CREG2: variants seen among roughly 807,000 people sequenced by gnomAD.
The protein encoded by CREG2 is cellular repressor of E1A stimulated genes 2, also known as protein CREG2.
In CREG2, 24 loss-of-function variants were observed where a neutral mutation model predicts 26.2. The ratio of observed to expected loss-of-function variants is 0.92; its 90% CI spans 0.66 to 1.29. The LOEUF is 1.29. CREG2 is among the 50% of genes most tolerant of loss of function. The pLI is 0.00. For synonymous variants in CREG2, 174 were observed against 169.2 expected, an observed-to-expected ratio of 1.03 and a Z score of -0.22; for missense variants, 366 against 398.6, an observed-to-expected ratio of 0.92 and a Z score of 0.70.
In CREG2 at chr2:101,347,211, A is replaced by G. The variant is rs1684320899; in HGVS notation, c.*3712T>C. ...GCATAGAGGCACCATCCACTGTTTCACCAGCCACCCGTTAAAGGCCATCTG... is the reference window on the plus strand; with the variant it reads ...GCATAGAGGCACCATCCACTGTTTCGCCAGCCACCCGTTAAAGGCCATCTG... On this transcript the variant is annotated 3_prime_UTR_variant, in exon 4 of 4. Transcript: ENST00000324768. The G allele has an allele frequency of 6.6e-6, 1 of 152,138 alleles. No individual in the cohort carries two copies. 9.4% of individuals were successfully genotyped at this position (152,138 alleles called of 1,614,324 possible).
Position 101,387,033 on chromosome 2 carries a change from A to G in CREG2, c.425T>C (p.Val142Ala). 8.1e-7 allele frequency: 1 copy of G among 1,231,918 alleles called. No homozygotes were observed. Among genetic ancestry groups the G allele is most frequent in the Non-Finnish European group, 1.0e-6 (1 of 988,428 alleles). The allele number at this position is 1,231,918 out of a possible 1,614,324, so 76.3% of individuals were successfully genotyped here. A position where few individuals can be genotyped will look rare whatever the true frequency, so the allele number is the denominator to read the frequency against. The change falls in exon 1 of 4, where the codon GTG (valine) becomes GCG (alanine). Residue 142 changes from valine (V) to alanine (A), a missense_variant. Transcript: ENST00000324768. The surrounding 1 kb of genome is among the most constrained non-coding windows in gnomAD (Gnocchi z 4.7). ...HASVWGCLAT[V>A]STHKKIQGLP... ...GGCGCTCACCTTCTTGTGGGTGGACACGGTGGCCAGGCAGCCCCAGACGCT... is the reference window on the plus strand; with the variant it reads ...GGCGCTCACCTTCTTGTGGGTGGACGCGGTGGCCAGGCAGCCCCAGACGCT...
At chr2:101,373,512 T>G (rs1236942984) in intron 2 of CREG2, among the ~76,000 whole-genome samples, 1 of 152,218 alleles carries the variant, frequency 6.6e-6, no homozygotes, top group Admixed American at 6.5e-5. Flanking sequence ...GATGTATATT[T>G]ATGGGTGTCA....
rs1259486219 is a variant in CREG2, at chr2:101,349,978, C to T, written c.*945G>A. 7 of 152,250 alleles carry T rather than the reference C, an allele frequency of 4.6e-5. No individual in the cohort carries two copies. The highest frequency in any genetic ancestry group is 2.1e-4 in the South Asian group (1 of 4,832). 9.4% of individuals were successfully genotyped at this position (152,250 alleles called of 1,614,324 possible). The stretch of plus-strand genomic sequence containing the variant: ...TCTTGTCTGTAAGAGCCAATGATGA[C>T]GTGCATCTCATTGGTTGCAGGGCTT... On this transcript the variant is annotated 3_prime_UTR_variant, in exon 4 of 4. Coordinates refer to ENST00000324768, the MANE Select transcript of CREG2 (RefSeq NM_153836.4).
At chr2:101,386,162 G>A (rs1684963886) in intron 1 of CREG2, among the ~76,000 whole-genome samples, 1 of 152,160 alleles carries the variant, frequency 6.6e-6, no homozygotes, top group Non-Finnish European at 1.5e-5. Context: ...TTTTATAGAC[G>A]AGGAAAGCAA....
intron 2 of CREG2, among the ~76,000 whole-genome samples, chr2:101,369,125 G>A (rs1684663973): frequency 6.6e-6 from 1 of 152,268 alleles, no homozygotes; most frequent in Non-Finnish European, 1.5e-5. Context: ...AAGCTGGACA[G>A]TAGAATGATG....
intron 2 of CREG2, among the ~76,000 whole-genome samples, chr2:101,377,965 A>G (rs188156333): frequency 1.3e-5 from 2 of 152,338 alleles, no homozygotes; most frequent in East Asian, 3.9e-4. Context: ...AATATATTCA[A>G]CATATGCAAT....
intron 2 of CREG2, among the ~76,000 whole-genome samples, chr2:101,365,896 G>A (rs1260467977): frequency 6.6e-6 from 1 of 152,024 alleles, no homozygotes; most frequent in African/African-American, 2.4e-5. Flanking sequence ...ATAAAACCCC[G>A]CCCTACCAGT....
At chr2:101,359,236 C>G (rs557381893) in intron 2 of CREG2, among the ~76,000 whole-genome samples, 1 of 152,168 alleles carries the variant, frequency 6.6e-6, no homozygotes, top group South Asian at 2.1e-4. Context: ...TATGTTGGCA[C>G]ACTTCTGGGG....
At position 101,363,885 on chromosome 2, in the gene CREG2, G is replaced by GAC. The variant is rs1158678597; in HGVS notation, c.612-8521_612-8520dup. Among the ~76,000 whole-genome samples the GAC allele has an allele frequency of 3.6e-5, 4 of 110,386 alleles. No homozygotes were observed. In the East Asian group the frequency reaches 8.3e-4, roughly 23 times the overall value. The allele number at this position is 110,386 out of a possible 152,430, so 72.4% of individuals were successfully genotyped here. On this transcript the variant is annotated intron_variant, in intron 2 of 3. Transcript: ENST00000324768. ...ACACACACACACACACACACACACA[G>GAC]ACACACACACAGGAAGAAAGGAAGT...
chr2:101,382,109 C>T (rs2104486468), intron 2 of CREG2: 1 of 152,382 alleles, frequency 6.6e-6, no homozygotes. Flanking sequence ...CCACATGCTC[C>T]AGCACGACTG....
chr2:101,356,106 C>G (rs945114385), intron 2 of CREG2, among the ~76,000 whole-genome samples: 1 of 152,130 alleles, frequency 6.6e-6, no homozygotes, highest in African/African-American at 2.4e-5. Flanking sequence ...TCCCTGAGGC[C>G]TGGCCATCTT....
At chr2:101,367,671 G>A (rs1684638574) in intron 2 of CREG2, among the ~76,000 whole-genome samples, 1 of 152,190 alleles carries the variant, frequency 6.6e-6, no homozygotes, top group African/African-American at 2.4e-5. Context: ...TATGGTAACA[G>A]GGACTTTGCA....
chr2:101,374,614 A>C (rs1212365133), intron 2 of CREG2, among the ~76,000 whole-genome samples: 1 of 152,250 alleles, frequency 6.6e-6, no homozygotes, highest in Admixed American at 6.5e-5. Context: ...TATAGACTCC[A>C]GACAGAGATA....
intron 2 of CREG2, among the ~76,000 whole-genome samples, chr2:101,378,636 CT>C (rs1258816450): frequency 6.6e-6 from 1 of 152,164 alleles, no homozygotes; most frequent in Non-Finnish European, 1.5e-5. Flanking sequence ...CCAGAGGGCC[CT>C]CAGATATCCG....
intron 2 of CREG2, among the ~76,000 whole-genome samples, chr2:101,379,198 G>A (rs1684834742): frequency 6.6e-6 from 1 of 152,120 alleles, no homozygotes; most frequent in African/African-American, 2.4e-5. Context: ...TTAAATCTAG[G>A]AACTTTATTG....
At position 101,355,358 on chromosome 2, in the gene CREG2, A is replaced by G; in HGVS notation, c.620T>C (p.Ile207Thr). The G allele has an allele frequency of 6.2e-7, 1 of 1,611,892 alleles. No individual in the cohort carries two copies. Among genetic ancestry groups the G allele is most frequent in the Middle Eastern group, 1.7e-4 (1 of 6,060 alleles). The change falls in exon 3 of 4, where the codon ATC (isoleucine) becomes ACC (threonine). Residue 207 changes from isoleucine (I) to threonine (T), a missense_variant. Coordinates refer to ENST00000324768, the MANE Select transcript of CREG2 (RefSeq NM_153836.4). ...ESEGEFCRKN[I>T]VDPEDPRCVQ... is the part of the protein sequence containing the mutation. ...ACATCGGGGATCTTCCGGATCAACG[A>G]TGTTTTTTCTGCATGTGAAAAACAT...
intron 2 of CREG2, among the ~76,000 whole-genome samples, chr2:101,357,959 A>G (rs1684486169): frequency 7.2e-6 from 1 of 139,730 alleles, no homozygotes; most frequent in East Asian, 2.3e-4. Flanking sequence ...CCTGGGCGAC[A>G]GAGCGAGACT....
At chr2:101,357,736 A>C (rs1684483040) in intron 2 of CREG2, among the ~76,000 whole-genome samples, 1 of 151,926 alleles carries the variant, frequency 6.6e-6, no homozygotes, top group Admixed American at 6.6e-5. Flanking sequence ...CCTGTTTAGA[A>C]GTAAGAAAAG....
At chr2:101,374,054 T>C (rs1040189025) in intron 2 of CREG2, among the ~76,000 whole-genome samples, 1 of 152,164 alleles carries the variant, frequency 6.6e-6, no homozygotes, top group African/African-American at 2.4e-5. Context: ...TTTGTAGAGA[T>C]GGGGTTTCAC....
Sources: gnomAD v4.1 joint callset for allele counts (sites outside exome capture counted in the v4.1 genomes callset) on GRCh38, gnomAD v4.1.1 for gene constraint, Gnocchi (gnomAD v3.1) non-coding constraint, MANE v1.5 for transcripts, NCBI Gene and HGNC (gene_info 2026-07-23, HGNC 2026-07-21) for gene names.